The following TPD52L1 variants were observed in gnomAD, a reference collection of about 807,000 sequenced individuals.
TPD52L1 encodes the protein tumor protein D53.
A neutral mutation model predicts 28.7 loss-of-function variants in TPD52L1; 18 were observed. The ratio of observed to expected loss-of-function variants is 0.63; its 90% CI spans 0.43 to 0.93. TPD52L1 has a LOEUF of 0.93. Among genes scored for constraint, TPD52L1 ranks in the 40% least tolerant of loss-of-function variants. TPD52L1 has a pLI of 0.00. For missense variants in TPD52L1, 203 were observed against 254.8 expected (o/e 0.80, Z 1.39); for synonymous variants, 75 against 88.8 (o/e 0.84, Z 0.88).
At chr6:125,259,353 G>A (rs1401740496) in intron 6 of TPD52L1, among the ~76,000 whole-genome samples, 1 of 152,188 alleles carries the variant, frequency 6.6e-6, no homozygotes, top group African/African-American at 2.4e-5. Flanking sequence ...GTACCATGTG[G>A]CACTTGTACC....
intron 3 of TPD52L1, among the ~76,000 whole-genome samples, chr6:125,230,765 C>T (rs1290420619): frequency 6.6e-6 from 1 of 152,116 alleles, no homozygotes; most frequent in African/African-American, 2.4e-5. Flanking sequence ...CTATTGGGCT[C>T]TATGCTTGTG....
Position 125,211,261 on chromosome 6 carries a change from GTCTATCTATCTATCTA to G in TPD52L1, c.20-8786_20-8771del, listed in dbSNP as rs58864276. On this transcript the variant is annotated intron_variant, in intron 1 of 6. Transcript: ENST00000534000. The stretch of plus-strand genomic sequence containing the variant: ...ATTTCATTTTTAGATATATGGATCT[GTCTATCTATCTATCTA>G]TCTATCTATCTATCTATCTATCTAT... 6.7e-3 allele frequency among the ~76,000 whole-genome samples: 992 copies of G among 148,962 alleles called. 14 individuals carry two copies. The highest frequency in any genetic ancestry group is 0.023 in the African/African-American group (947 of 40,492).
chr6:125,260,256 G>GA (rs1443479633), intron 6 of TPD52L1: 2 of 152,236 alleles, frequency 1.3e-5, no homozygotes, highest in African/African-American at 4.8e-5. Context: ...TAAGCATAGT[G>GA]AAAAATCACA....
chr6:125,172,549 T>TAA (rs1554202699), intron 1 of TPD52L1, among the ~76,000 whole-genome samples: 1 of 92,084 alleles, frequency 1.1e-5, no homozygotes, highest in Non-Finnish European at 2.0e-5. Context: ...TATATATATA[T>TAA]ATAATATATA....
intron 3 of TPD52L1, chr6:125,234,310 T>G (rs1028814295): frequency 6.6e-6 from 1 of 152,204 alleles, no homozygotes; most frequent in African/African-American, 2.4e-5. Context: ...CTAGAATGGC[T>G]TTAGAACACA....
chr6:125,241,379 A>G (rs1398930843), intron 3 of TPD52L1, among the ~76,000 whole-genome samples: 1 of 152,072 alleles, frequency 6.6e-6, no homozygotes, highest in Admixed American at 6.6e-5. Flanking sequence ...CTTTTGGAAT[A>G]GTTCTGGTAG....
chr6:125,172,095 TTTCCC>T (rs1164803501), intron 1 of TPD52L1, among the ~76,000 whole-genome samples: 4 of 119,722 alleles, frequency 3.3e-5, no homozygotes, highest in African/African-American at 1.6e-4. Flanking sequence ...TCTTTCTTTC[TTTCCC>T]TTTCTTTCTT....
chr6:125,241,636 A>G (rs1257600355), intron 3 of TPD52L1, among the ~76,000 whole-genome samples: 1 of 151,720 alleles, frequency 6.6e-6, no homozygotes, highest in Non-Finnish European at 1.5e-5. Context: ...GTAGCCTTGA[A>G]TGTTTGTATT....
At chr6:125,166,828 CA>C (rs1202017241) in intron 1 of TPD52L1, among the ~76,000 whole-genome samples, 6 of 150,124 alleles carry the variant, frequency 4.0e-5, no homozygotes, top group African/African-American at 1.5e-4. Flanking sequence ...GGAGATATGA[CA>C]GTTTGTGACA....
chr6:125,172,532 A>ATATAT (rs1554202666), intron 1 of TPD52L1, among the ~76,000 whole-genome samples: 6 of 94,998 alleles, frequency 6.3e-5, no homozygotes, highest in East Asian at 3.9e-4. Context: ...ATATATATAT[A>ATATAT]TATATATATA....
chr6:125,203,525 G>C (rs1793926614), intron 1 of TPD52L1: 1 of 518,236 alleles, frequency 1.9e-6, no homozygotes. Context: ...GGAAATTGGA[G>C]GAGCTGAGGA....
chr6:125,209,940 A>G (rs1356189814), intron 1 of TPD52L1, among the ~76,000 whole-genome samples: 1 of 152,230 alleles, frequency 6.6e-6, no homozygotes, highest in Non-Finnish European at 1.5e-5. Context: ...CATTGAAGAC[A>G]TAGAGATGAA....
At chr6:125,176,393 G>T (rs931680447) in intron 1 of TPD52L1, among the ~76,000 whole-genome samples, 1 of 152,156 alleles carries the variant, frequency 6.6e-6, no homozygotes, top group South Asian at 2.1e-4. Flanking sequence ...GCCTGCTAGG[G>T]TTTGAAATAT....
intron 1 of TPD52L1, among the ~76,000 whole-genome samples, chr6:125,172,157 T>TTTCTTTCTTTCTTTC (rs1554202455): frequency 1.9e-5 from 1 of 54,010 alleles, no homozygotes. Flanking sequence ...TCTTTCTTTC[T>TTTCTTTCTTTCTTTC]TTTCTTTCTT....
chr6:125,196,625 A>T (rs906539486), intron 1 of TPD52L1, among the ~76,000 whole-genome samples: 36 of 152,254 alleles, frequency 2.4e-4, no homozygotes, highest in African/African-American at 8.7e-4. Flanking sequence ...TCTGTAATAT[A>T]TACTTTGGTG....
intron 1 of TPD52L1, among the ~76,000 whole-genome samples, chr6:125,200,303 C>T (rs1391863263): frequency 1.3e-5 from 2 of 152,106 alleles, no homozygotes; most frequent in Non-Finnish European, 2.9e-5. Context: ...TTGCACTAGC[C>T]ACAAACAGAT....
chr6:125,248,350 G>C lies in TPD52L1; in HGVS notation c.353G>C (p.Gly118Ala). 6.2e-7 allele frequency: 1 copy of C among 1,614,176 alleles called. No homozygotes were observed. The highest frequency in any genetic ancestry group is 8.5e-7 in the Non-Finnish European group (1 of 1,180,018). ...QKATAAFSNV[G>A]TAISKKFGDM... ...GCAACTGCAGCTTTCAGCAACGTTG[G>C]AACGGCCATCAGCAAGAAGTTCGGA... Residue 118 changes from glycine to alanine, a missense_variant, in exon 4 of 7, where the codon GGA becomes GCA. Physicochemically the swap from Gly to Ala is moderately conservative, Grantham distance 60. Transcript: ENST00000534000.
chr6:125,212,423 T>G (rs1794586016), intron 1 of TPD52L1, among the ~76,000 whole-genome samples: 1 of 152,202 alleles, frequency 6.6e-6, no homozygotes, highest in South Asian at 2.1e-4. Flanking sequence ...TCCAAAATCA[T>G]AGTTTGTAAT....
At chr6:125,251,254 T>C (rs902885994) in intron 4 of TPD52L1, among the ~76,000 whole-genome samples, 1 of 152,182 alleles carries the variant, frequency 6.6e-6, no homozygotes, top group Non-Finnish European at 1.5e-5. Context: ...GTTAAAAGTG[T>C]CATATTAGTC....
Sources: gnomAD v4.1 joint callset for allele counts (sites outside exome capture counted in the v4.1 genomes callset) on GRCh38, gnomAD v4.1.1 for gene constraint, MANE v1.5 for transcripts, NCBI Gene and HGNC (gene_info 2026-07-23, HGNC 2026-07-21) for gene names.